The following ST3GAL3 variants were observed in gnomAD, a reference collection of about 807,000 sequenced individuals.
The protein encoded by ST3GAL3 is CMP-N-acetylneuraminate-beta-1,4-galactoside alpha-2,3-sialyltransferase.
Under a neutral mutation model 50.1 loss-of-function variants are expected in ST3GAL3, and 21 were observed. That is an observed-to-expected ratio of 0.42 (90% CI 0.30 to 0.60). The LOEUF (loss-of-function observed/expected upper bound fraction) is 0.60. ST3GAL3 is among the 20% of genes least tolerant of loss of function. The pLI, the probability that ST3GAL3 is intolerant of heterozygous loss-of-function variation, is 0.19. For missense variants in ST3GAL3, 353 were observed against 489.4 expected (o/e 0.72, Z 2.63); for synonymous variants, 183 against 190.0 (o/e 0.96, Z 0.30).
At chr1:43,734,640 G>A (rs991246124) in intron 1 of ST3GAL3, among the ~76,000 whole-genome samples, 3 of 152,030 alleles carry the variant, frequency 2.0e-5, no homozygotes, top group Non-Finnish European at 4.4e-5. Context: ...GTTATTGCTG[G>A]TATGGTTTTT....
intron 6 of ST3GAL3, 73 bp downstream of exon 6, chr1:43,894,550 C>T (rs2077102726): frequency 2.2e-6 from 3 of 1,376,938 alleles, no homozygotes; most frequent in East Asian, 2.3e-5. Context: ...GACAAGGCTA[C>T]ATCCTCAGAA....
At chr1:43,792,273 T>G (rs2058174349) in intron 3 of ST3GAL3, 124 bp downstream of exon 3, 1 of 1,251,398 alleles carries the variant, frequency 8.0e-7, no homozygotes, top group African/African-American at 1.5e-5. Context: ...GGGGGAAGTC[T>G]CAAGAAGCCT....
chr1:43,868,309 G>C (rs907906693), intron 5 of ST3GAL3, among the ~76,000 whole-genome samples: 2 of 152,178 alleles, frequency 1.3e-5, no homozygotes, highest in Non-Finnish European at 2.9e-5. Context: ...GGAAGGAAAA[G>C]TCTGGAAGCC....
At chr1:43,795,844 G>T (rs72680703) in intron 3 of ST3GAL3, among the ~76,000 whole-genome samples, 6,300 of 152,234 alleles carry the variant, frequency 0.041, 181 homozygotes, top group Non-Finnish European at 0.058. Flanking sequence ...AAGAATACCA[G>T]AATTCAATGT....
At chr1:43,761,950 CA>C (rs67747915) in intron 2 of ST3GAL3, among the ~76,000 whole-genome samples, 775 of 68,806 alleles carry the variant, frequency 0.011, 6 homozygotes, top group African/African-American at 0.065. Context: ...CACTCTGTCT[CA>C]AAAAAAAAAA....
intron 1 of ST3GAL3, among the ~76,000 whole-genome samples, chr1:43,735,252 C>T (rs965629581): frequency 6.6e-5 from 10 of 152,226 alleles, no homozygotes; most frequent in East Asian, 1.9e-4. Flanking sequence ...ATTTGTTACT[C>T]GACATGGCAC....
chr1:43,928,112 G>A (rs1323126338), intron 11 of ST3GAL3, among the ~76,000 whole-genome samples: 1 of 152,148 alleles, frequency 6.6e-6, no homozygotes, highest in Non-Finnish European at 1.5e-5. Flanking sequence ...TCAGAATAAG[G>A]GCTAGACAGA....
chr1:43,917,150 A>G (rs1254812361), intron 9 of ST3GAL3: 3 of 152,000 alleles, frequency 2.0e-5, no homozygotes, highest in Non-Finnish European at 2.9e-5. Context: ...ATAGCAGTCC[A>G]GGAGAATTTT....
chr1:43,783,407 A>G (rs78468330), intron 2 of ST3GAL3, among the ~76,000 whole-genome samples: 4,614 of 152,106 alleles, frequency 0.03, 224 homozygotes, highest in African/African-American at 0.1. Flanking sequence ...AAAATGTCCC[A>G]CTGATACCAA....
At chr1:43,902,153 C>T (rs2078391741) in intron 9 of ST3GAL3, among the ~76,000 whole-genome samples, 1 of 152,212 alleles carries the variant, frequency 6.6e-6, no homozygotes, top group Non-Finnish European at 1.5e-5. Context: ...TAGTCACCAG[C>T]TTGTCCTGCT....
intron 5 of ST3GAL3, among the ~76,000 whole-genome samples, chr1:43,873,240 C>T (rs1476989276): frequency 1.3e-5 from 2 of 152,094 alleles, no homozygotes; most frequent in Non-Finnish European, 2.9e-5. Flanking sequence ...GGTAAGAAAG[C>T]GTCAAGTTCA....
intron 1 of ST3GAL3, among the ~76,000 whole-genome samples, chr1:43,730,562 CTTTTCTTTCTTTTT>C (rs1675229639): frequency 7.1e-6 from 1 of 139,900 alleles, no homozygotes; most frequent in African/African-American, 2.7e-5. Flanking sequence ...TCTTTCTTTT[CTTTTCTTTCTTTTT>C]TTTTTTTTTT....
intron 2 of ST3GAL3, among the ~76,000 whole-genome samples, chr1:43,740,449 G>T (rs1030528618): frequency 1.3e-5 from 2 of 151,998 alleles, no homozygotes; most frequent in African/African-American, 2.4e-5. Flanking sequence ...TTTCACAATG[G>T]TTCATTTCAT....
At chr1:43,738,488 C>G (rs1471846951) in intron 2 of ST3GAL3, 1 of 150,626 alleles carries the variant, frequency 6.6e-6, no homozygotes, top group Non-Finnish European at 1.5e-5. Context: ...GACGGGTCCT[C>G]TTTGTTTTTT....
intron 5 of ST3GAL3, chr1:43,851,182 C>G: frequency 7.0e-7 from 1 of 1,421,028 alleles, no homozygotes; most frequent in Non-Finnish European, 9.9e-7. Context: ...TGTTCTCCTC[C>G]AGCTGGTCAT....
intron 6 of ST3GAL3, among the ~76,000 whole-genome samples, chr1:43,896,133 C>T (rs1004675963): frequency 6.6e-6 from 1 of 152,142 alleles, no homozygotes; most frequent in African/African-American, 2.4e-5. Context: ...CACTCAACTT[C>T]TGGAAGGATT....
chr1:43,763,307 A>T (rs1691257366), intron 2 of ST3GAL3, among the ~76,000 whole-genome samples: 1 of 152,164 alleles, frequency 6.6e-6, no homozygotes, highest in Non-Finnish European at 1.5e-5. Flanking sequence ...TTTGGGGCTT[A>T]TAATGTTTTA....
chr1:43,756,201 C>T (rs1009333636), intron 2 of ST3GAL3, among the ~76,000 whole-genome samples: 7 of 149,456 alleles, frequency 4.7e-5, no homozygotes, highest in African/African-American at 9.9e-5. Context: ...ATCAAACTAA[C>T]GCTGAACAAA....
chr1:43,882,544 A>G (rs530624161), intron 5 of ST3GAL3, among the ~76,000 whole-genome samples: 3 of 152,344 alleles, frequency 2.0e-5, no homozygotes, highest in African/African-American at 4.8e-5. Flanking sequence ...ACCTGAATCT[A>G]GGACTCAAAC....
Sources: allele counts gnomAD v4.1 joint callset (sites outside exome capture counted in the v4.1 genomes callset), GRCh38; gene constraint gnomAD v4.1.1; transcripts MANE v1.5; gene names NCBI Gene and HGNC (gene_info 2026-07-23, HGNC 2026-07-21).